Variants in RUNX1 observed in about 807,000 individuals in gnomAD.
RUNX1 encodes the protein RUNX family transcription factor 1, also known as runt-related transcription factor 1.
RUNX1 carries 19 observed loss-of-function variants against 42.8 expected under a neutral mutation model. That is an observed-to-expected ratio of 0.44 (90% CI 0.31 to 0.65). The LOEUF (loss-of-function observed/expected upper bound fraction) is 0.65. Among genes scored for constraint, RUNX1 ranks in the 30% least tolerant of loss-of-function variants. RUNX1 has a pLI of 0.07. For missense variants in RUNX1, 528 were observed against 672.0 expected (o/e 0.79, Z 2.37); for synonymous variants, 271 against 289.4 (o/e 0.94, Z 0.64).
Position 34,993,575 on chromosome 21 carries a change from GCACACACACAGACA to G in RUNX1, c.58+55253_58+55266del, listed in dbSNP as rs1481380575. ...CACACACAGGCACAGACACACACAG[GCACACACACAGACA>G]CACACACACAGGCACACACAGGCAC... On this transcript the variant is annotated intron_variant, in intron 2 of 8. Transcript: ENST00000675419. 1.8e-4 allele frequency among the ~76,000 whole-genome samples: 5 copies of G among 28,354 alleles called. No individual in the cohort carries two copies. The East Asian group carries it at 3.6e-3, about 21-fold the overall frequency. The allele number at this position is 28,354 out of a possible 152,430, so 18.6% of individuals were successfully genotyped here.
chr21:34,879,504 A>T (rs2146353003), intron 5 of RUNX1, among the ~76,000 whole-genome samples: 1 of 152,228 alleles, frequency 6.6e-6, no homozygotes, highest in East Asian at 1.9e-4. Flanking sequence ...TCTTGTTTTT[A>T]AATGCCTTTT....
At chr21:35,045,025 G>C (rs767497585) in intron 2 of RUNX1, among the ~76,000 whole-genome samples, 14 of 152,182 alleles carry the variant, frequency 9.2e-5, no homozygotes, top group Admixed American at 2.6e-4. Flanking sequence ...GAAGTACAAA[G>C]ACAATCCTCC....
chr21:34,972,968 C>A (rs1465637656), intron 2 of RUNX1, among the ~76,000 whole-genome samples: 1 of 152,152 alleles, frequency 6.6e-6, no homozygotes, highest in African/African-American at 2.4e-5. Flanking sequence ...AGAACTATTT[C>A]CTTGGAATTC....
At chr21:34,962,211 C>G (rs996986881) in intron 2 of RUNX1, among the ~76,000 whole-genome samples, 4 of 151,856 alleles carry the variant, frequency 2.6e-5, no homozygotes, top group Admixed American at 6.6e-5. Flanking sequence ...TATTTAAATT[C>G]TTTTTTTTCC....
chr21:34,867,495 C>T (rs1180291341), intron 5 of RUNX1, among the ~76,000 whole-genome samples: 7 of 152,096 alleles, frequency 4.6e-5, no homozygotes, highest in Non-Finnish European at 5.9e-5. Context: ...TCCTTTACAA[C>T]GTCGAATTTC....
At chr21:34,958,238 G>A (rs903211727) in intron 2 of RUNX1, among the ~76,000 whole-genome samples, 2 of 152,080 alleles carry the variant, frequency 1.3e-5, no homozygotes, top group African/African-American at 4.8e-5. Context: ...TGCTTATGGC[G>A]AACCCCTTCC....
intron 2 of RUNX1, among the ~76,000 whole-genome samples, chr21:34,999,158 G>A (rs2059021084): frequency 6.6e-6 from 1 of 152,192 alleles, no homozygotes; most frequent in Non-Finnish European, 1.5e-5. Context: ...CATGCCAGCT[G>A]GACCCAGAGC....
intron 2 of RUNX1, among the ~76,000 whole-genome samples, chr21:35,038,285 T>A (rs1369451810): frequency 1.3e-5 from 2 of 152,164 alleles, no homozygotes; most frequent in African/African-American, 4.8e-5. Flanking sequence ...ACCCCTGAGC[T>A]TGGGCCTATC....
At chr21:34,892,565 C>T (rs998745368) in intron 3 of RUNX1, among the ~76,000 whole-genome samples, 10 of 152,164 alleles carry the variant, frequency 6.6e-5, no homozygotes, top group African/African-American at 2.4e-4. Context: ...ATTTTACTCT[C>T]ATAAAAATCT....
chr21:34,794,297 TA>T (rs748551830), intron 8 of RUNX1, among the ~76,000 whole-genome samples: 21 of 152,150 alleles, frequency 1.4e-4, no homozygotes, highest in Admixed American at 1.1e-3. Flanking sequence ...GATAATTTCC[TA>T]GTATTTAAGC....
At chr21:34,796,892 A>T (rs2145897329) in intron 8 of RUNX1, among the ~76,000 whole-genome samples, 1 of 152,320 alleles carries the variant, frequency 6.6e-6, no homozygotes, top group East Asian at 1.9e-4. Flanking sequence ...AGAGAGAGAC[A>T]GACAGAGTCC....
intron 2 of RUNX1, among the ~76,000 whole-genome samples, chr21:34,942,025 C>T (rs1242406497): frequency 6.6e-6 from 1 of 152,004 alleles, no homozygotes; most frequent in East Asian, 1.9e-4. Context: ...AGAAAAAGTA[C>T]CTTCAAACTT....
At chr21:35,006,229 C>A (rs1454875465) in intron 2 of RUNX1, among the ~76,000 whole-genome samples, 2 of 152,200 alleles carry the variant, frequency 1.3e-5, no homozygotes, top group Non-Finnish European at 2.9e-5. Flanking sequence ...GAGATGGAGG[C>A]ACCCACACGT....
intron 7 of RUNX1, among the ~76,000 whole-genome samples, chr21:34,812,443 T>A (rs1262769398): frequency 6.6e-6 from 1 of 152,206 alleles, no homozygotes; most frequent in East Asian, 1.9e-4. Flanking sequence ...CATAAGCTCA[T>A]CCCTGGTGCT....
chr21:34,971,846 G>GA (rs2058766051), intron 2 of RUNX1, among the ~76,000 whole-genome samples: 2 of 152,194 alleles, frequency 1.3e-5, no homozygotes, highest in South Asian at 4.1e-4. Context: ...ACAACATGTT[G>GA]TGTGGTTCAC....
intron 2 of RUNX1, among the ~76,000 whole-genome samples, chr21:34,903,978 G>GTTACA (rs1341166644): frequency 6.6e-6 from 1 of 151,948 alleles, no homozygotes; most frequent in Non-Finnish European, 1.5e-5. Flanking sequence ...TATTGTAATG[G>GTTACA]TTACATATTT....
intron 5 of RUNX1, among the ~76,000 whole-genome samples, chr21:34,867,106 G>A (rs991323073): frequency 6.6e-6 from 1 of 151,962 alleles, no homozygotes; most frequent in Non-Finnish European, 1.5e-5. Context: ...AGAAAAGTTT[G>A]ATAAATGAGG....
At position 34,892,846 on chromosome 21, in the gene RUNX1, GATAC is replaced by G. The variant is rs1186075675; in HGVS notation, c.97+75_97+78del. 4 of 837,998 alleles carry G rather than the reference GATAC, an allele frequency of 4.8e-6. No homozygotes were observed. In the African/African-American group the frequency reaches 6.9e-5, roughly 14 times the overall value. The allele number at this position is 837,998 out of a possible 1,614,324, so 51.9% of individuals were successfully genotyped here. ...AATTATATCACAAGTTATACATAGAGATACATAGATATAAAATCATATACACATC... is the reference window on the plus strand; with the variant it reads ...AATTATATCACAAGTTATACATAGAGATAGATATAAAATCATATACACATC... On this transcript the variant is annotated intron_variant, in intron 3 of 8. Coordinates refer to ENST00000675419, the MANE Select transcript of RUNX1 (RefSeq NM_001754.5).
At chr21:34,939,232 T>TA (rs2058508743) in intron 2 of RUNX1, among the ~76,000 whole-genome samples, 2 of 152,246 alleles carry the variant, frequency 1.3e-5, no homozygotes, top group Admixed American at 1.3e-4. Context: ...TAGAATGTGA[T>TA]ACTTTGCTAG....
Sources: allele counts gnomAD v4.1 joint callset (sites outside exome capture counted in the v4.1 genomes callset), GRCh38; gene constraint gnomAD v4.1.1; transcripts MANE v1.5; gene names NCBI Gene and HGNC (gene_info 2026-07-23, HGNC 2026-07-21).